Variants in HEATR5B observed in about 807,000 individuals in gnomAD.
The protein encoded by HEATR5B is HEAT repeat-containing protein 5B.
Under a neutral mutation model 224.1 loss-of-function variants are expected in HEATR5B, and 156 were observed. That is an observed-to-expected ratio of 0.70 (90% CI 0.61 to 0.80). The LOEUF is 0.80. HEATR5B is among the 30% of genes least tolerant of loss of function. HEATR5B has a pLI of 0.00. For missense variants in HEATR5B, 2,323 were observed against 2,535.5 expected, an observed-to-expected ratio of 0.92 and a Z score of 1.80; for synonymous variants, 1,027 against 893.0, an observed-to-expected ratio of 1.15 and a Z score of -2.68.
intron 2 of HEATR5B, among the ~76,000 whole-genome samples, chr2:37,080,466 G>C (rs545900969): frequency 1.6e-4 from 24 of 152,272 alleles, no homozygotes; most frequent in African/African-American, 5.5e-4. Flanking sequence ...GGATTTGTTT[G>C]TGGATGAAAC....
intron 18 of HEATR5B, among the ~76,000 whole-genome samples, chr2:37,046,302 T>A (rs1343609146): frequency 6.6e-6 from 1 of 152,128 alleles, no homozygotes; most frequent in African/African-American, 2.4e-5. Flanking sequence ...ATTAAAACTC[T>A]TAATAAGCTA....
At chr2:37,034,977 T>TA (rs768882104) in intron 21 of HEATR5B, among the ~76,000 whole-genome samples, 3 of 152,252 alleles carry the variant, frequency 2.0e-5, no homozygotes, top group Non-Finnish European at 4.4e-5. Context: ...ACAAGTCACT[T>TA]AGTCTCTTGA....
At chr2:37,083,229 A>AATCATGACCAC in intron 2 of HEATR5B, 60 bp downstream of exon 2, 1 of 1,588,800 alleles carries the variant, frequency 6.3e-7, no homozygotes, top group Non-Finnish European at 8.6e-7. Context: ...TTTTCTTAAG[A>AATCATGACCAC]ATCATGACCA....
At chr2:37,004,822 T>A (rs912432209) in intron 30 of HEATR5B, among the ~76,000 whole-genome samples, 2 of 152,150 alleles carry the variant, frequency 1.3e-5, no homozygotes, top group Non-Finnish European at 2.9e-5. Flanking sequence ...AAGCTTCCAA[T>A]CTTGGTCCTC....
At position 37,064,945 on chromosome 2, in the gene HEATR5B, G is replaced by C; in HGVS notation, c.1379C>G (p.Ala460Gly). 5 of 1,614,124 alleles carry C rather than the reference G, an allele frequency of 3.1e-6. No homozygotes were observed. Among genetic ancestry groups the C allele is most frequent in the Non-Finnish European group, 4.2e-6 (5 of 1,179,988 alleles). ...ACACCATGCAGCAGCAAGTCGGGCA[G>C]CCATGCTTGGATGAAGCAGCACTGA... is the stretch of plus-strand genomic sequence containing the variant. ...VTSVLLHPSM[A>G]ARLAAAWCLR... The change falls in exon 10 of 36, where the codon GCT (alanine) becomes GGT (glycine). Residue 460 changes from alanine to glycine, a missense_variant. Ala to Gly is a moderately conservative substitution (Grantham distance 60, BLOSUM62 0). Coordinates refer to ENST00000233099, the MANE Select transcript of HEATR5B (RefSeq NM_019024.3).
intron 22 of HEATR5B, among the ~76,000 whole-genome samples, chr2:37,030,635 T>G (rs1669071456): frequency 6.6e-6 from 1 of 152,228 alleles, no homozygotes; most frequent in Non-Finnish European, 1.5e-5. Context: ...AAATATCTAT[T>G]CCCACTTTTC....
At chr2:37,006,633 C>T (rs145329765) in intron 29 of HEATR5B, among the ~76,000 whole-genome samples, 52 of 152,234 alleles carry the variant, frequency 3.4e-4, no homozygotes, top group African/African-American at 1.2e-3. Flanking sequence ...AAGAGTGAAA[C>T]TCTGTCTCAA....
intron 2 of HEATR5B, among the ~76,000 whole-genome samples, chr2:37,082,612 A>G (rs1445652468): frequency 6.6e-6 from 1 of 152,236 alleles, no homozygotes; most frequent in Non-Finnish European, 1.5e-5. Flanking sequence ...CCTTAAGGGC[A>G]TGTTCCTGCT....
chr2:37,022,306 G>A (rs1349327656), intron 24 of HEATR5B, among the ~76,000 whole-genome samples: 4 of 151,980 alleles, frequency 2.6e-5, no homozygotes, highest in African/African-American at 7.3e-5. Flanking sequence ...AGCCTCCCAA[G>A]GAGCTGGGAT....
intron 22 of HEATR5B, 116 bp downstream of exon 22, chr2:37,032,513 A>G: frequency 1.2e-6 from 1 of 868,292 alleles, no homozygotes; most frequent in South Asian, 1.9e-5. Flanking sequence ...GTTTTATTTC[A>G]AAGAATAAGA....
intron 33 of HEATR5B, among the ~76,000 whole-genome samples, chr2:36,995,087 G>GC (rs1553415173): frequency 9.6e-6 from 1 of 104,132 alleles, no homozygotes. Context: ...GTTATTCCTT[G>GC]TTTTTTTTTT....
chr2:36,996,204 G>T (rs543673630), intron 33 of HEATR5B, among the ~76,000 whole-genome samples: 1 of 151,960 alleles, frequency 6.6e-6, no homozygotes, highest in South Asian at 2.1e-4. Context: ...GGGATTATAG[G>T]CGCCTGCCAC....
At chr2:37,033,400 A>ATT (rs2148476448) in intron 21 of HEATR5B, among the ~76,000 whole-genome samples, 1 of 152,300 alleles carries the variant, frequency 6.6e-6, no homozygotes, top group East Asian at 1.9e-4. Flanking sequence ...TGCACATCTT[A>ATT]TTTTACACAT....
chr2:37,069,705 A>T (rs1671790901), intron 7 of HEATR5B, among the ~76,000 whole-genome samples: 1 of 152,206 alleles, frequency 6.6e-6, no homozygotes, highest in South Asian at 2.1e-4. Flanking sequence ...CAAATATGGT[A>T]GACACAGGCT....
chr2:37,048,520 A>C (rs1290868404), intron 18 of HEATR5B, among the ~76,000 whole-genome samples: 1 of 152,148 alleles, frequency 6.6e-6, no homozygotes, highest in Non-Finnish European at 1.5e-5. Flanking sequence ...GTAATTAAAA[A>C]AAAAAATTAC....
At chr2:37,038,060 A>T in intron 20 of HEATR5B, 36 bp from the exon 21 acceptor site, 4 of 1,337,398 alleles carry the variant, frequency 3.0e-6, no homozygotes, top group Non-Finnish European at 3.0e-6. Flanking sequence ...AAATATAATT[A>T]TTTTATTAGT....
chr2:37,009,437 C>T (rs1189128825), intron 27 of HEATR5B, among the ~76,000 whole-genome samples: 1 of 151,766 alleles, frequency 6.6e-6, no homozygotes. Context: ...GCTAGCCAGG[C>T]ATGGTGGCAC....
Position 36,999,287 on chromosome 2 carries a change from TGGA to T in HEATR5B, c.5545+1296_5545+1298del, listed in dbSNP as rs781701257. On this transcript the variant is annotated intron_variant, in intron 33 of 35. Transcript: ENST00000233099. ...CATGTAGTTCCATGTGGGGGTACAA[TGGA>T]GTAGTGACAGGTACTTCAATTTTCT... is the stretch of plus-strand genomic sequence containing the variant. Among the ~76,000 whole-genome samples, 19 of 152,226 alleles carry T rather than the reference TGGA, an allele frequency of 1.2e-4. No homozygotes were observed. The East Asian group carries it at 2.9e-3, about 23-fold the overall frequency.
intron 5 of HEATR5B, among the ~76,000 whole-genome samples, chr2:37,073,055 C>G (rs1281399228): frequency 6.6e-6 from 1 of 152,070 alleles, no homozygotes; most frequent in Non-Finnish European, 1.5e-5. Flanking sequence ...AATTCTATAC[C>G]AACTCTTCCA....
Sources: gnomAD v4.1 joint callset for allele counts (sites outside exome capture counted in the v4.1 genomes callset) on GRCh38, gnomAD v4.1.1 for gene constraint, MANE v1.5 for transcripts, NCBI Gene and HGNC (gene_info 2026-07-23, HGNC 2026-07-21) for gene names.